Variants in NBN observed in about 807,000 individuals in gnomAD.
NBN encodes Nijmegen breakage syndrome 1 (nibrin).
Under a neutral mutation model 90.8 loss-of-function variants are expected in NBN, and 88 were observed. The ratio of observed to expected loss-of-function variants is 0.97; its 90% CI spans 0.82 to 1.16. The LOEUF is 1.16. NBN is among the 50% of genes most tolerant of loss of function. The probability of loss-of-function intolerance (pLI) is 0.00; values close to 1 mark genes in which losing one functional copy is unlikely to be tolerated. For synonymous variants in NBN, 328 were observed against 295.1 expected, an observed-to-expected ratio of 1.11 and a Z score of -1.14; for missense variants, 894 against 869.6, an observed-to-expected ratio of 1.03 and a Z score of -0.35.
intron 7 of NBN, among the ~76,000 whole-genome samples, chr8:89,967,503 A>T (rs976823969): frequency 4.6e-5 from 7 of 152,220 alleles, no homozygotes; most frequent in Non-Finnish European, 1.0e-4. Context: ...AATGTGTATT[A>T]CGCATAAATC....
chr8:89,944,593 C>T (rs1455344358), intron 13 of NBN, among the ~76,000 whole-genome samples: 1 of 152,138 alleles, frequency 6.6e-6, no homozygotes, highest in African/African-American at 2.4e-5. Context: ...CGCAAGTTGA[C>T]CACTTCCTGG....
intron 5 of NBN, among the ~76,000 whole-genome samples, chr8:89,975,293 C>G (rs1035763011): frequency 6.6e-6 from 1 of 152,110 alleles, no homozygotes; most frequent in Non-Finnish European, 1.5e-5. Flanking sequence ...TAATTTAAAT[C>G]CAGGACTAGC....
chr8:89,954,619 G>A (rs990074542), intron 10 of NBN, among the ~76,000 whole-genome samples: 1 of 151,982 alleles, frequency 6.6e-6, no homozygotes, highest in African/African-American at 2.4e-5. Flanking sequence ...TGAAACCCCT[G>A]TGGAAAAGAA....
Position 89,935,425 on chromosome 8 carries a change from A to G in NBN, c.*157T>C. On this transcript the variant is annotated 3_prime_UTR_variant, in exon 16 of 16. Coordinates refer to ENST00000265433, the MANE Select transcript of NBN (RefSeq NM_002485.5). The stretch of plus-strand genomic sequence containing the variant: ...ACAGAACAAACAATTGTTACATACA[A>G]AAGAATCAAAGTTTTGTGCATTTTA... 2 of 831,440 alleles carry G rather than the reference A, an allele frequency of 2.4e-6. No homozygotes were observed. The highest frequency in any genetic ancestry group is 1.9e-6 in the Non-Finnish European group (1 of 526,188). 51.5% of individuals were successfully genotyped at this position (831,440 alleles called of 1,614,324 possible).
chr8:89,951,069 T>C (rs933394278), intron 11 of NBN, among the ~76,000 whole-genome samples: 4 of 151,888 alleles, frequency 2.6e-5, no homozygotes, highest in African/African-American at 7.3e-5. Context: ...TAAAGTCACT[T>C]TGGGAGGCCG....
In NBN at chr8:89,934,951, T is replaced by A. The variant is rs547194105; in HGVS notation, c.*631A>T. The A allele has an allele frequency of 4.3e-6, 1 of 232,716 alleles. No individual in the cohort carries two copies. The highest frequency in any genetic ancestry group is 8.5e-6 in the Non-Finnish European group (1 of 117,882). The allele number at this position is 232,716 out of a possible 1,614,324, so 14.4% of individuals were successfully genotyped here. A position where few individuals can be genotyped will look rare whatever the true frequency, so the allele number is the denominator to read the frequency against. ...ACCCATGTTTGATGAAGTCTCCACA[T>A]GGTCTTCAGTTTCTAGTACTAGAAT... On this transcript the variant is annotated 3_prime_UTR_variant, in exon 16 of 16. Coordinates refer to ENST00000265433, the MANE Select transcript of NBN (RefSeq NM_002485.5).
At chr8:89,938,476 G>GTA (rs754218937) in intron 14 of NBN, among the ~76,000 whole-genome samples, 2,372 of 151,788 alleles carry the variant, frequency 0.016, 67 homozygotes, top group African/African-American at 0.053. Context: ...ATGTGTGTGT[G>GTA]TGTATATATA....
chr8:89,953,635 G>A lies in NBN; in HGVS notation c.1454C>T (p.Thr485Met), dbSNP rs200891292. The change falls in exon 11 of 16, where the codon ACG (threonine) becomes ATG (methionine). Residue 485 changes from threonine (T) to methionine (M), a missense_variant. Physicochemically the swap from Thr to Met is moderately conservative, Grantham distance 81. Transcript: ENST00000265433. The stretch of plus-strand genomic sequence containing the variant: ...TGTTTGTTCTAAAAGAGAACAAGAC[G>A]TTTCTATTCTTGCTGATTTGCATGA... ...MSSCKSARIE[T>M]SCSLLEQTQP... 3.0e-5 allele frequency: 48 copies of A among 1,612,532 alleles called. No individual in the cohort carries two copies. Among genetic ancestry groups the A allele is most frequent in the Admixed American group, 2.8e-4 (17 of 59,922 alleles).
At chr8:89,968,664 G>C (rs933635722) in intron 7 of NBN, among the ~76,000 whole-genome samples, 1 of 151,960 alleles carries the variant, frequency 6.6e-6, no homozygotes, top group Non-Finnish European at 1.5e-5. Flanking sequence ...TGAAAAACTG[G>C]TCATAGGTAA....
In NBN at chr8:89,935,523, T is replaced by G. The variant is rs1309696661; in HGVS notation, c.*59A>C. Reference sequence around the variant, plus strand: ...ACACTATATATTCATATAACCTTGTTGGCCTGAAGTAGATGCTTACTAGGA... The same window carrying G: ...ACACTATATATTCATATAACCTTGTGGGCCTGAAGTAGATGCTTACTAGGA... On this transcript the variant is annotated 3_prime_UTR_variant, in exon 16 of 16. Coordinates refer to ENST00000265433, the MANE Select transcript of NBN (RefSeq NM_002485.5). 44 of 1,600,796 alleles carry G rather than the reference T, an allele frequency of 2.7e-5. No individual in the cohort carries two copies. Among genetic ancestry groups the G allele is most frequent in the Non-Finnish European group, 1.7e-6 (2 of 1,169,466 alleles).
chr8:89,946,029 A>G, intron 13 of NBN, 111 bp downstream of exon 13: 1 of 805,110 alleles, frequency 1.2e-6, no homozygotes, highest in Non-Finnish European at 2.0e-6. Flanking sequence ...CATTTTAAGC[A>G]GAAGAAGTAT....
chr8:89,979,525 T>TG (rs1811951786), intron 4 of NBN, among the ~76,000 whole-genome samples: 1 of 151,430 alleles, frequency 6.6e-6, no homozygotes, highest in Non-Finnish European at 1.5e-5. Flanking sequence ...GAACGCTTTT[T>TG]TTGTTGTTGT....
At chr8:89,978,149 G>C in intron 5 of NBN, 71 bp downstream of exon 5, 1 of 1,276,238 alleles carries the variant, frequency 7.8e-7, no homozygotes, top group Non-Finnish European at 1.1e-6. Context: ...ATTAAAGAGG[G>C]AATTAACTTA....
intron 5 of NBN, among the ~76,000 whole-genome samples, chr8:89,977,946 T>C (rs1811845320): frequency 1.3e-5 from 2 of 152,252 alleles, no homozygotes; most frequent in South Asian, 2.1e-4. Flanking sequence ...CTTCTGACCA[T>C]GAGGTTACCT....
chr8:89,958,946 G>A, intron 8 of NBN, 92 bp from the exon 9 acceptor site: 1 of 1,502,844 alleles, frequency 6.7e-7, no homozygotes, highest in East Asian at 2.3e-5. Flanking sequence ...ATACCATGCT[G>A]AGGGGATTAA....
intron 8 of NBN, among the ~76,000 whole-genome samples, chr8:89,963,758 A>G (rs1811111356): frequency 6.6e-6 from 1 of 152,214 alleles, no homozygotes; most frequent in African/African-American, 2.4e-5. Flanking sequence ...GCTCCACCGG[A>G]AAGTCCCACC....
Position 89,943,983 on chromosome 8 carries a change from C to T in NBN, c.2071-617G>A, listed in dbSNP as rs1810071008. ...ACAGTTCCTTAATATTTGTAACATGCTTTTAAAATTCCAATATATGAAGTA... is the reference window on the plus strand; with the variant it reads ...ACAGTTCCTTAATATTTGTAACATGTTTTTAAAATTCCAATATATGAAGTA... On this transcript the variant is annotated intron_variant, in intron 13 of 15. Coordinates refer to ENST00000265433, the MANE Select transcript of NBN (RefSeq NM_002485.5). Among the ~76,000 whole-genome samples the T allele has an allele frequency of 3.3e-5, 5 of 152,218 alleles. No homozygotes were observed. The South Asian group carries it at 1.0e-3, about 32-fold the overall frequency.
intron 9 of NBN, among the ~76,000 whole-genome samples, chr8:89,957,117 T>A (rs1810755926): frequency 6.6e-6 from 1 of 152,170 alleles, no homozygotes; most frequent in Non-Finnish European, 1.5e-5. Context: ...AAAAATAACT[T>A]TAAAACAGTC....
intron 7 of NBN, among the ~76,000 whole-genome samples, chr8:89,964,735 C>T (rs999278992): frequency 1.3e-5 from 2 of 151,450 alleles, no homozygotes; most frequent in Non-Finnish European, 2.9e-5. Context: ...AAATAAGGGG[C>T]TAAAGAATAT....
Sources: allele counts gnomAD v4.1 joint callset (sites outside exome capture counted in the v4.1 genomes callset), GRCh38; gene constraint gnomAD v4.1.1; transcripts MANE v1.5; gene names NCBI Gene and HGNC (gene_info 2026-07-23, HGNC 2026-07-21).